Variants in GAD2 observed in about 807,000 individuals in gnomAD.
GAD2 encodes the protein 65 kDa glutamic acid decarboxylase.
GAD2 carries 22 observed loss-of-function variants against 80.1 expected under a neutral mutation model. The observed-to-expected ratio is 0.27, with a 90% CI of 0.20 to 0.39. The LOEUF (loss-of-function observed/expected upper bound fraction) is 0.39, where lower values mean the gene tolerates loss of function less well. Ranked by LOEUF, GAD2 falls within the 10% of genes least tolerant of loss-of-function variation. The probability of loss-of-function intolerance (pLI) is 1.00; values close to 1 mark genes in which losing one functional copy is unlikely to be tolerated. For missense variants in GAD2, 624 were observed against 738.4 expected (o/e 0.85, Z 1.80); for synonymous variants, 274 against 256.9 (o/e 1.07, Z -0.64).
chr10:26,225,208 G>A (rs1844505334), intron 6 of GAD2, among the ~76,000 whole-genome samples: 1 of 152,182 alleles, frequency 6.6e-6, no homozygotes, highest in South Asian at 2.1e-4. Flanking sequence ...ATTTCTTCAA[G>A]AGATTTCTCA....
chr10:26,239,523 C>T (rs1589140909), intron 7 of GAD2, among the ~76,000 whole-genome samples: 1 of 152,244 alleles, frequency 6.6e-6, no homozygotes, highest in South Asian at 2.1e-4. Flanking sequence ...GACTTGTTAT[C>T]TGAATATGTG....
chr10:26,245,792 C>A, intron 7 of GAD2, 129 bp from the exon 8 acceptor site: 1 of 718,062 alleles, frequency 1.4e-6, no homozygotes, highest in Non-Finnish European at 2.3e-6. Context: ...CATCTTCTCT[C>A]AGCAGCCCAG....
chr10:26,241,544 TCATTTCTTTTTTTTTTTTTTA>T (rs1203725918), intron 7 of GAD2, among the ~76,000 whole-genome samples: 1 of 141,670 alleles, frequency 7.1e-6, no homozygotes, highest in African/African-American at 3.0e-5. Context: ...TGCCCTCTGC[TCATTTCTTTTTTTTTTTTTTA>T]GAACTGAGGT....
chr10:26,237,646 G>A (rs1440290161), intron 7 of GAD2, among the ~76,000 whole-genome samples: 2 of 152,122 alleles, frequency 1.3e-5, no homozygotes, highest in East Asian at 3.9e-4. Context: ...CCTTGGGAGA[G>A]TCTAGATCCT....
intron 8 of GAD2, among the ~76,000 whole-genome samples, chr10:26,250,829 C>T (rs1844871416): frequency 6.6e-6 from 1 of 151,386 alleles, no homozygotes; most frequent in Non-Finnish European, 1.5e-5. Flanking sequence ...GGTGTCTAAA[C>T]CTTTGAAACT....
intron 5 of GAD2, 112 bp downstream of exon 5, chr10:26,224,089 G>C (rs1445854788): frequency 2.2e-5 from 15 of 697,534 alleles, no homozygotes; most frequent in Non-Finnish European, 3.4e-5. Flanking sequence ...CTAAAATAGT[G>C]ATACAAACTT....
chr10:26,219,450 A>C (rs957795577), intron 4 of GAD2, 174 bp downstream of exon 4: 8 of 532,684 alleles, frequency 1.5e-5, no homozygotes, highest in Non-Finnish European at 2.6e-5. Context: ...AGCACCTTCC[A>C]CTGCTATTGT....
At chr10:26,238,989 G>A (rs942913120) in intron 7 of GAD2, among the ~76,000 whole-genome samples, 4 of 152,062 alleles carry the variant, frequency 2.6e-5, no homozygotes, top group African/African-American at 9.7e-5. Flanking sequence ...TGGTGGGGTG[G>A]GGGGTGGTCA....
chr10:26,297,229 C>G (rs1834284574), intron 15 of GAD2, among the ~76,000 whole-genome samples: 1 of 152,166 alleles, frequency 6.6e-6, no homozygotes, highest in Non-Finnish European at 1.5e-5. Context: ...GCCTAGCCAA[C>G]AGTTTAGAAT....
In GAD2 at chr10:26,301,980, G is replaced by T. The variant is rs1485238214; in HGVS notation, c.*1019G>T. 6.6e-6 allele frequency: 1 copy of T among 152,154 alleles called. No individual in the cohort carries two copies. The highest frequency in any genetic ancestry group is 1.5e-5 in the Non-Finnish European group (1 of 68,018). The allele number at this position is 152,154 out of a possible 1,614,324, so 9.4% of individuals were successfully genotyped here. A position where few individuals can be genotyped will look rare whatever the true frequency, so the allele number is the denominator to read the frequency against. The stretch of plus-strand genomic sequence containing the variant: ...TATTAGGTCATTTGAATTAATTAGA[G>T]AAAGTAAAAATAAAACCTTATCAGC... On this transcript the variant is annotated 3_prime_UTR_variant, in exon 16 of 16. Transcript: ENST00000376261.
At chr10:26,252,471 T>A (rs756821271) in intron 8 of GAD2, among the ~76,000 whole-genome samples, 9 of 152,092 alleles carry the variant, frequency 5.9e-5, no homozygotes, top group Non-Finnish European at 1.2e-4. Flanking sequence ...GCCTCCCAAG[T>A]AGCTGGAATT....
chr10:26,224,475 T>G (rs1054178535), intron 5 of GAD2, 64 bp from the exon 6 acceptor site: 1 of 936,142 alleles, frequency 1.1e-6, no homozygotes, highest in Non-Finnish European at 1.8e-6. Flanking sequence ...CTGTAGCTAT[T>G]GTAATGATTG....
chr10:26,226,435 T>C (rs1282006761), intron 6 of GAD2, among the ~76,000 whole-genome samples: 5 of 152,218 alleles, frequency 3.3e-5, no homozygotes, highest in Non-Finnish European at 7.3e-5. Context: ...ATGCAAGCCA[T>C]AGATGTCACA....
At chr10:26,245,442 A>AT (rs141717289) in intron 7 of GAD2, among the ~76,000 whole-genome samples, 26,498 of 147,648 alleles carry the variant, frequency 0.18, 3,776 homozygotes, top group African/African-American at 0.4. Flanking sequence ...TTTTACCACA[A>AT]TTTTTTTTTT....
chr10:26,232,654 C>T (rs960308120), intron 7 of GAD2, among the ~76,000 whole-genome samples: 13 of 151,700 alleles, frequency 8.6e-5, no homozygotes, highest in African/African-American at 2.2e-4. Context: ...AGGCACGTGC[C>T]GCCACACCTG....
chr10:26,269,346 C>G (rs1215500588), intron 9 of GAD2, among the ~76,000 whole-genome samples, 173 bp downstream of exon 9: 1 of 152,208 alleles, frequency 6.6e-6, no homozygotes, highest in Non-Finnish European at 1.5e-5. Context: ...GTTATAGGCT[C>G]TGCTTTAGAA....
chr10:26,232,363 A>G (rs1009430516), intron 7 of GAD2, among the ~76,000 whole-genome samples: 1 of 151,838 alleles, frequency 6.6e-6, no homozygotes, highest in African/African-American at 2.4e-5. Context: ...TCTCAGCCTC[A>G]TGCTTTATGT....
chr10:26,270,426 G>C (rs1444450249), intron 9 of GAD2, among the ~76,000 whole-genome samples: 2 of 152,162 alleles, frequency 1.3e-5, no homozygotes, highest in African/African-American at 2.4e-5. Context: ...GTTCTTTTAA[G>C]ACACAGTCAG....
At chr10:26,222,926 G>C (rs1415751789) in intron 4 of GAD2, among the ~76,000 whole-genome samples, 1 of 152,194 alleles carries the variant, frequency 6.6e-6, no homozygotes, top group African/African-American at 2.4e-5. Context: ...TTTCCACAAT[G>C]GCCCATCTTC....
Sources: gnomAD v4.1 joint callset for allele counts (sites outside exome capture counted in the v4.1 genomes callset) on GRCh38, gnomAD v4.1.1 for gene constraint, MANE v1.5 for transcripts, NCBI Gene and HGNC (gene_info 2026-07-23, HGNC 2026-07-21) for gene names.